Variants in TRAK1 observed in about 807,000 individuals in gnomAD.
TRAK1 encodes the protein trafficking kinesin-binding protein 1.
Under a neutral mutation model 92.1 loss-of-function variants are expected in TRAK1, and 33 were observed. The ratio of observed to expected loss-of-function variants is 0.36; its 90% CI spans 0.27 to 0.48. The LOEUF (loss-of-function observed/expected upper bound fraction) is 0.48, where lower values mean the gene tolerates loss of function less well. Among genes scored for constraint, TRAK1 ranks in the 20% least tolerant of loss-of-function variants. TRAK1 has a pLI of 0.99. For synonymous variants in TRAK1, 521 were observed against 517.3 expected, an observed-to-expected ratio of 1.01 and a Z score of -0.10; for missense variants, 1,123 against 1,257.9, an observed-to-expected ratio of 0.89 and a Z score of 1.62.
chr3:42,131,901 TTA>T (rs1491371124), intron 2 of TRAK1, among the ~76,000 whole-genome samples: 14 of 69,596 alleles, frequency 2.0e-4, no homozygotes, highest in African/African-American at 9.7e-4. Context: ...CTACAAAAAA[TTA>T]AAAAAAAAAA....
intron 2 of TRAK1, among the ~76,000 whole-genome samples, chr3:42,139,225 G>T (rs1698366190): frequency 6.6e-6 from 1 of 152,138 alleles, no homozygotes; most frequent in South Asian, 2.1e-4. Flanking sequence ...GGGCCATTTT[G>T]TTTACAGGCA....
At chr3:42,030,707 TATATATATATATATATATATATATATA>T (rs1429096242) in intron 1 of TRAK1, among the ~76,000 whole-genome samples, 1 of 3,232 alleles carries the variant, frequency 3.1e-4, no homozygotes, top group African/African-American at 3.8e-4. Flanking sequence ...TATATATATA[TATATATATATATATATATATATATATA>T]TATATATGTA....
intron 1 of TRAK1, among the ~76,000 whole-genome samples, chr3:42,034,242 A>G (rs1207628078): frequency 1.3e-5 from 2 of 152,134 alleles, no homozygotes; most frequent in Non-Finnish European, 2.9e-5. Context: ...ATAGTCACCT[A>G]TCAATCCAGC....
At position 42,043,294 on chromosome 3, in the gene TRAK1, G is replaced by A. The variant is rs376419327; in HGVS notation, c.-519+29177G>A. 2.2e-4 allele frequency among the ~76,000 whole-genome samples: 34 copies of A among 151,310 alleles called. 1 individual carries two copies. In the East Asian group the frequency reaches 6.4e-3, roughly 29 times the overall value. On this transcript the variant is annotated intron_variant, in intron 1 of 16. Coordinates refer to the TRAK1 transcript ENST00000487159. ...TCTTTCTTCCCTTGTCCTCTTACCC[G>A]TCTCCTCCTTTTTGTCCAGCATTCC...
intron 2 of TRAK1, among the ~76,000 whole-genome samples, chr3:42,167,772 C>T (rs181931273): frequency 5.3e-5 from 8 of 152,166 alleles, no homozygotes; most frequent in African/African-American, 1.9e-4. Context: ...CCCAGCTACT[C>T]GGGAGGCTGA....
At chr3:42,089,683 C>G (rs1704894038), upstream of TRAK1, among the ~76,000 whole-genome samples, 1 of 150,798 alleles carries the variant, frequency 6.6e-6, no homozygotes, top group African/African-American at 2.4e-5. Context: ...TGACCCCCCC[C>G]CAATACAGAG....
intron 2 of TRAK1, among the ~76,000 whole-genome samples, chr3:42,147,646 G>A (rs926692418): frequency 6.6e-6 from 1 of 152,182 alleles, no homozygotes; most frequent in African/African-American, 2.4e-5. Flanking sequence ...AGTGCCAAAG[G>A]GTTGGATCCT....
intron 13 of TRAK1, among the ~76,000 whole-genome samples, chr3:42,206,421 A>G (rs1202018898): frequency 1.3e-5 from 2 of 152,168 alleles, no homozygotes; most frequent in South Asian, 4.1e-4. Flanking sequence ...GGAGGCTCTC[A>G]TGTGTAAGGC....
rs578182272 is a variant in TRAK1 at position 42,151,541 on chromosome 3, G to T, written c.287-25273G>T. On this transcript the variant is annotated intron_variant, in intron 2 of 15. Transcript: ENST00000327628. ...TCCCATTTTGGATGAAGGGAAGAAG[G>T]TTTTTGAGACAGAATTTACTGGGAC... The T allele has an allele frequency of 3.0e-5, 9 of 297,514 alleles. No homozygotes were observed. The Admixed American group carries it at 4.3e-4, about 14-fold the overall frequency. The allele number at this position is 297,514 out of a possible 1,614,324, so 18.4% of individuals were successfully genotyped here.
At chr3:42,032,480 G>GAAA (rs57423237) in intron 1 of TRAK1, among the ~76,000 whole-genome samples, 1,236 of 120,874 alleles carry the variant, frequency 0.01, 28 homozygotes, top group African/African-American at 0.032. Flanking sequence ...GGGTCAACCT[G>GAAA]AAAAAAAAAA....
chr3:42,078,623 G>C (rs1218810726), intron 1 of TRAK1, among the ~76,000 whole-genome samples: 3 of 151,732 alleles, frequency 2.0e-5, no homozygotes, highest in Non-Finnish European at 4.4e-5. Flanking sequence ...TGTGGTGGCG[G>C]GTGCCTGTAG....
At chr3:42,203,992 C>T (rs1383562676) in intron 13 of TRAK1, 1 of 985,656 alleles carries the variant, frequency 1.0e-6, no homozygotes, top group African/African-American at 1.7e-5. Flanking sequence ...GACTGGGTTC[C>T]ACAGTCTCCA....
chr3:42,123,388 T>G (rs1369233537), intron 1 of TRAK1, among the ~76,000 whole-genome samples: 1 of 152,238 alleles, frequency 6.6e-6, no homozygotes, highest in Non-Finnish European at 1.5e-5. Context: ...TGGTTCTCCC[T>G]GCTGTTCCTG....
upstream of TRAK1, among the ~76,000 whole-genome samples, chr3:42,087,569 C>T (rs1482890109): frequency 6.6e-6 from 1 of 152,230 alleles, no homozygotes; most frequent in Non-Finnish European, 1.5e-5. Flanking sequence ...AATCCAGAAC[C>T]TGTTCTGCCA....
chr3:42,039,235 T>C (rs1334790628), intron 1 of TRAK1, among the ~76,000 whole-genome samples: 1 of 152,226 alleles, frequency 6.6e-6, no homozygotes, highest in Non-Finnish European at 1.5e-5. Flanking sequence ...TTTTAAGTGT[T>C]GCCCATGTTG....
intron 1 of TRAK1, among the ~76,000 whole-genome samples, chr3:42,121,835 A>T (rs1709922014): frequency 6.6e-6 from 1 of 150,386 alleles, no homozygotes; most frequent in South Asian, 2.1e-4. Flanking sequence ...TTTTTTTTTT[A>T]AAAACAGAGT....
intron 1 of TRAK1, among the ~76,000 whole-genome samples, chr3:42,036,814 A>G (rs1418558955): frequency 1.3e-5 from 2 of 152,120 alleles, no homozygotes; most frequent in Admixed American, 6.5e-5. Flanking sequence ...CAGTGGTGCA[A>G]TCATAGCTCA....
At chr3:42,160,123 C>T in intron 2 of TRAK1, 1 of 1,248,074 alleles carries the variant, frequency 8.0e-7, no homozygotes, top group Non-Finnish European at 1.0e-6. Context: ...CCCCACCCCG[C>T]CCCTCCTCCA....
chr3:42,193,027 T>C (rs780057785), intron 7 of TRAK1, 48 bp from the exon 8 acceptor site: 5 of 1,607,912 alleles, frequency 3.1e-6, no homozygotes, highest in Non-Finnish European at 4.2e-6. Flanking sequence ...TGGGTCTGCA[T>C]GTGTGGTTTT....
Sources: gnomAD v4.1 joint callset for allele counts (sites outside exome capture counted in the v4.1 genomes callset) on GRCh38, gnomAD v4.1.1 for gene constraint, MANE v1.5 for transcripts, NCBI Gene and HGNC (gene_info 2026-07-23, HGNC 2026-07-21) for gene names.